Variants in TRMT6 observed in about 807,000 individuals in gnomAD.
The protein encoded by TRMT6 is tRNA (adenine(58)-N(1))-methyltransferase non-catalytic subunit TRM6.
Under a neutral mutation model 59.0 loss-of-function variants are expected in TRMT6, and 34 were observed. The ratio of observed to expected loss-of-function variants is 0.58; its 90% CI spans 0.44 to 0.77. TRMT6 has a LOEUF of 0.77. Ranked by LOEUF, TRMT6 falls within the 30% of genes least tolerant of loss-of-function variation. TRMT6 has a pLI of 0.00. For missense variants in TRMT6, 575 were observed against 604.5 expected (o/e 0.95, Z 0.51); for synonymous variants, 217 against 210.5 (o/e 1.03, Z -0.27).
Position 5,950,464 on chromosome 20 carries a change from A to G in TRMT6, c.-59T>C. ...CCGCCCCTCCTCCTCGGTTGTCGCC[A>G]CCGCCAGCCTCACTTCCCACAACCT... is the stretch of plus-strand genomic sequence containing the variant. On this transcript the variant is annotated 5_prime_UTR_variant, in exon 1 of 11. Transcript: ENST00000203001. 1 of 1,509,146 alleles carries G rather than the reference A, an allele frequency of 6.6e-7. No individual in the cohort carries two copies. The allele number at this position is 1,509,146 out of a possible 1,614,324, so 93.5% of individuals were successfully genotyped here.
intron 1 of TRMT6, 52 bp downstream of exon 1, chr20:5,950,226 G>C: frequency 6.7e-7 from 1 of 1,499,716 alleles, no homozygotes; most frequent in Non-Finnish European, 9.0e-7. Flanking sequence ...GGAGGGAGGG[G>C]GTATCTACAA....
intron 2 of TRMT6, 70 bp from the exon 3 acceptor site, chr20:5,944,984 A>T: frequency 8.0e-7 from 1 of 1,248,578 alleles, no homozygotes; most frequent in Non-Finnish European, 1.2e-6. Context: ...TTCTGAGTTC[A>T]TATCCACATC....
intron 8 of TRMT6, 189 bp from the exon 9 acceptor site, chr20:5,941,534 A>T (rs2088656000): frequency 1.7e-6 from 1 of 592,120 alleles, no homozygotes; most frequent in South Asian, 2.2e-5. Flanking sequence ...AACGCGAACT[A>T]GGTTAGAAGC....
chr20:5,937,921 T>A lies in TRMT6; in HGVS notation c.*614A>T, dbSNP rs1441578567. The A allele has an allele frequency of 1.3e-5, 2 of 152,092 alleles. No homozygotes were observed. Among genetic ancestry groups the A allele is most frequent in the African/African-American group, 2.4e-5 (1 of 41,418 alleles). The allele number at this position is 152,092 out of a possible 1,614,324, so 9.4% of individuals were successfully genotyped here. On this transcript the variant is annotated 3_prime_UTR_variant, in exon 11 of 11. Transcript: ENST00000203001. Reference sequence around the variant, plus strand: ...ACAAAGAATAAGAGTATTGGCAAATTAATGCAAAAAAGTACCCTACTAAAC... The same window carrying A: ...ACAAAGAATAAGAGTATTGGCAAATAAATGCAAAAAAGTACCCTACTAAAC...
In TRMT6 at chr20:5,946,602, C is replaced by T. The variant is rs182659013; in HGVS notation, c.129-69G>A. The T allele has an allele frequency of 9.8e-4, 1,439 of 1,471,704 alleles. 12 individuals are homozygous for T. In the Middle Eastern group the frequency reaches 0.019, roughly 20 times the overall value. 91.2% of individuals were successfully genotyped at this position (1,471,704 alleles called of 1,614,324 possible). ...CAGTACAGAAAAGACATGTTCACTA[C>T]AGTTTATTTCAAAAGTGGTCTCCAC... On this transcript the variant is annotated intron_variant, in intron 1 of 10. Transcript: ENST00000203001.
rs183535 is a variant in TRMT6, at chr20:5,937,642, C to T, written c.*893G>A. 46,748 of 152,100 alleles carry T rather than the reference C, an allele frequency of 0.31. 11,206 individuals carry two copies. Among genetic ancestry groups the T allele is most frequent in the African/African-American group, 0.65 (27,065 of 41,488 alleles). 9.4% of individuals were successfully genotyped at this position (152,100 alleles called of 1,614,324 possible). ...CTAAGTCCTGCACAAGACTTTGATA[C>T]AGTTCAAATAGACTGCACACTCTTT... On this transcript the variant is annotated 3_prime_UTR_variant, in exon 11 of 11. Transcript: ENST00000203001.
intron 8 of TRMT6, chr20:5,941,581 G>A: frequency 1.8e-6 from 1 of 556,250 alleles, no homozygotes; most frequent in Non-Finnish European, 3.2e-6. Flanking sequence ...CGCATTTAAT[G>A]ACATTCTTGA....
rs1056679713 is a variant in TRMT6 at position 5,943,759 on chromosome 20, G to A, written c.543-76C>T. 3.2e-6 allele frequency: 5 copies of A among 1,559,026 alleles called. No individual in the cohort carries two copies. In the African/African-American group the frequency reaches 5.5e-5, roughly 17 times the overall value. On this transcript the variant is annotated intron_variant, in intron 5 of 10. Transcript: ENST00000203001. ...TTTTAATCATCATTTTTCAAGTTTT[G>A]TTTGCTTTATTAAAATTGTGTTGAT...
chr20:5,946,518 T>C lies in TRMT6; in HGVS notation c.144A>G (p.Glu48=), dbSNP rs753782593. Residue 48 remains glutamate, a synonymous_variant, in exon 2 of 11, where the codon GAA becomes GAG. Coordinates refer to ENST00000203001, the MANE Select transcript of TRMT6 (RefSeq NM_015939.5). ...QVQRRKKVTF[E]KQWFYLDNVI... ...CGTTATCCAGGTAGAACCACTGTTT[T>C]TCGAAAGTTACTTTTCTAGGGAAAA... 6.2e-7 allele frequency: 1 copy of C among 1,614,136 alleles called. No individual in the cohort carries two copies. The highest frequency in any genetic ancestry group is 1.1e-5 in the South Asian group (1 of 91,078).
intron 5 of TRMT6, 26 bp from the exon 6 acceptor site, chr20:5,943,709 A>G (rs2088679749): frequency 1.2e-6 from 2 of 1,604,482 alleles, no homozygotes; most frequent in African/African-American, 1.3e-5. Context: ...TAATTTGTTC[A>G]TTTTTAGCTA....
Position 5,942,415 on chromosome 20 carries a change from T to C in TRMT6, c.1026+13A>G, listed in dbSNP as rs762529936. On this transcript the variant is annotated intron_variant, in intron 7 of 10. Coordinates refer to ENST00000203001, the MANE Select transcript of TRMT6 (RefSeq NM_015939.5). Reference sequence around the variant, plus strand: ...GAGATTATGGGGGTGGTGGGGACTCTTGGCATCCTTACATAATCTTTTTTG... The same window carrying C: ...GAGATTATGGGGGTGGTGGGGACTCCTGGCATCCTTACATAATCTTTTTTG... 2 of 1,608,828 alleles carry C rather than the reference T, an allele frequency of 1.2e-6. No individual in the cohort carries two copies. Among genetic ancestry groups the C allele is most frequent in the South Asian group, 1.1e-5 (1 of 90,976 alleles).
At chr20:5,950,245 C>T (rs1196301665) in intron 1 of TRMT6, 33 bp downstream of exon 1, 3 of 1,541,132 alleles carry the variant, frequency 1.9e-6, no homozygotes, top group Admixed American at 1.8e-5. Context: ...AAGGTGGGGG[C>T]GGGAGACCCC....
Position 5,941,055 on chromosome 20 carries a change from GA to G in TRMT6, c.1299del (p.Gln434ArgfsTer12). On this transcript the variant is annotated frameshift_variant, in exon 10 of 11. Coordinates refer to ENST00000203001, the MANE Select transcript of TRMT6 (RefSeq NM_015939.5). LOFTEE classifies it high-confidence loss of function. The stretch of plus-strand genomic sequence containing the variant: ...GGACTGGCTGTAAGAACACGTACCT[GA>G]TAATTTCTGAGCCAGGTTTCAGACA... Reference protein sequence around the residue: ...LRLSETWLRNYQVLPDRSHPK... With the variant: ...LRLSETWLRNXQVLPDRSHPK... The G allele has an allele frequency of 1.2e-6, 2 of 1,613,592 alleles. No individual in the cohort carries two copies. Among genetic ancestry groups the G allele is most frequent in the Non-Finnish European group, 1.7e-6 (2 of 1,179,488 alleles).
chr20:5,946,151 C>T (rs878992231), intron 2 of TRMT6, among the ~76,000 whole-genome samples: 10 of 152,190 alleles, frequency 6.6e-5, no homozygotes, highest in African/African-American at 1.7e-4. Flanking sequence ...CTTGCAATGA[C>T]GCAGCAACGA....
At chr20:5,942,843 C>T in intron 6 of TRMT6, 57 bp from the exon 7 acceptor site, 2 of 1,342,556 alleles carry the variant, frequency 1.5e-6, no homozygotes, top group Non-Finnish European at 2.1e-6. Flanking sequence ...ACTACGTAAA[C>T]CCTCAGTGAG....
intron 1 of TRMT6, among the ~76,000 whole-genome samples, chr20:5,949,514 C>A (rs1376646248): frequency 6.6e-6 from 1 of 152,130 alleles, no homozygotes; most frequent in Non-Finnish European, 1.5e-5. Context: ...TAAAACAGAG[C>A]GATACTAGCC....
intron 10 of TRMT6, among the ~76,000 whole-genome samples, chr20:5,940,227 A>G (rs236173): frequency 0.22 from 33,412 of 152,020 alleles, 5,379 homozygotes; most frequent in African/African-American, 0.45. Context: ...CTCTCCCCTT[A>G]TCTTTCTAAG....
At chr20:5,944,966 CT>C in intron 2 of TRMT6, 52 bp from the exon 3 acceptor site, 2 of 1,435,102 alleles carry the variant, frequency 1.4e-6, no homozygotes, top group Non-Finnish European at 2.0e-6. Context: ...TTATTTGACA[CT>C]TTCTTTTTCT....
chr20:5,950,367 C>A lies in TRMT6; in HGVS notation c.39G>T (p.Gln13His). 1 of 1,609,920 alleles carries A rather than the reference C, an allele frequency of 6.2e-7. No individual in the cohort carries two copies. The highest frequency in any genetic ancestry group is 1.1e-5 in the South Asian group (1 of 91,060). Residue 13 changes from glutamine (Q) to histidine (H), a missense_variant, in exon 1 of 11, where the codon CAG becomes CAT. By Grantham distance (24) the Gln-to-His change is conservative (BLOSUM62 0). Transcript: ENST00000203001. Reference protein sequence around the residue: ...GSGEQPGPQPQHPGDHRIRDG... With the variant: ...GSGEQPGPQPHHPGDHRIRDG... ...CGCGGATGCGGTGGTCTCCGGGATGCTGTGGTTGTGGGCCCGGCTGCTCCC... is the reference window on the plus strand; with the variant it reads ...CGCGGATGCGGTGGTCTCCGGGATGATGTGGTTGTGGGCCCGGCTGCTCCC...
Sources: gnomAD v4.1 joint callset for allele counts (sites outside exome capture counted in the v4.1 genomes callset) on GRCh38, gnomAD v4.1.1 for gene constraint, MANE v1.5 for transcripts, NCBI Gene and HGNC (gene_info 2026-07-23, HGNC 2026-07-21) for gene names.